GAB1: variants seen among roughly 807,000 people sequenced by gnomAD.
GAB1 encodes the protein GRB2-associated-binding protein 1.
A neutral mutation model predicts 66.5 loss-of-function variants in GAB1; 19 were observed. That is an observed-to-expected ratio of 0.29 (90% CI 0.20 to 0.42). GAB1 has a LOEUF of 0.42. Ranked by LOEUF, GAB1 falls within the 10% of genes least tolerant of loss-of-function variation. The pLI, the probability that GAB1 is intolerant of heterozygous loss-of-function variation, is 1.00. For synonymous variants in GAB1, 294 were observed against 301.4 expected, an observed-to-expected ratio of 0.98 and a Z score of 0.25; for missense variants, 732 against 858.5, an observed-to-expected ratio of 0.85 and a Z score of 1.84.
chr4:143,357,893 AAG>A lies in GAB1; in HGVS notation c.72+20636_72+20637del, dbSNP rs542398216. Among the ~76,000 whole-genome samples the A allele has an allele frequency of 2.1e-3, 312 of 152,090 alleles. 1 individual carries two copies. Among genetic ancestry groups the A allele is most frequent in the African/African-American group, 7.1e-3 (296 of 41,474 alleles). ...ATATATATATATATGAATTATCAGA[AAG>A]AGGGAAGAATAAATTTGAGCATTCC... is the stretch of plus-strand genomic sequence containing the variant. On this transcript the variant is annotated intron_variant, in intron 1 of 9. Transcript: ENST00000262994.
chr4:143,380,662 C>T (rs973635435), intron 1 of GAB1: 1 of 152,174 alleles, frequency 6.6e-6, no homozygotes, highest in African/African-American at 2.4e-5. Flanking sequence ...CTCAAGTGAT[C>T]CTCTTTCCTT....
At chr4:143,355,410 A>T (rs1729402954) in intron 1 of GAB1, among the ~76,000 whole-genome samples, 1 of 143,752 alleles carries the variant, frequency 7.0e-6, no homozygotes, top group Non-Finnish European at 1.5e-5. Context: ...TTTAATTTTT[A>T]TTTTCAATTG....
chr4:143,439,609 G>A, intron 4 of GAB1, 193 bp from the exon 5 acceptor site: 1 of 560,164 alleles, frequency 1.8e-6, no homozygotes, highest in South Asian at 2.3e-5. Flanking sequence ...TAGCATATGA[G>A]TGAGTGTCTG....
In GAB1 at chr4:143,337,160, C is replaced by T; in HGVS notation, c.-29C>T. ...GAGCGCGCCCGCCGCCCCTCAGCTG[C>T]CCGGCCCGGAGCCCGAGACGCGCGC... is the stretch of plus-strand genomic sequence containing the variant. On this transcript the variant is annotated 5_prime_UTR_variant, in exon 1 of 10. Transcript: ENST00000262994. The T allele has an allele frequency of 6.4e-7, 1 of 1,555,986 alleles. No individual in the cohort carries two copies. The highest frequency in any genetic ancestry group is 8.7e-7 in the Non-Finnish European group (1 of 1,148,944).
intron 8 of GAB1, among the ~76,000 whole-genome samples, chr4:143,465,359 A>G (rs150379712): frequency 6.6e-6 from 1 of 152,248 alleles, no homozygotes; most frequent in Non-Finnish European, 1.5e-5. Flanking sequence ...GTCCTACTGT[A>G]CAAATCATCT....
intron 3 of GAB1, among the ~76,000 whole-genome samples, chr4:143,437,188 C>T (rs920176595): frequency 5.9e-5 from 9 of 152,062 alleles, no homozygotes; most frequent in Admixed American, 1.3e-4. Flanking sequence ...TGTTTAAATT[C>T]CTACAGGACT....
At chr4:143,411,351 T>C (rs2149712505) in intron 1 of GAB1, among the ~76,000 whole-genome samples, 2 of 152,320 alleles carry the variant, frequency 1.3e-5, no homozygotes, top group Admixed American at 1.3e-4. Flanking sequence ...CTATTGCATA[T>C]AAGAAATGGC....
At position 143,439,846 on chromosome 4, in the gene GAB1, A is replaced by G; in HGVS notation, c.1240A>G (p.Ser414Gly). 3 of 1,613,674 alleles carry G rather than the reference A, an allele frequency of 1.9e-6. No homozygotes were observed. Among genetic ancestry groups the G allele is most frequent in the Non-Finnish European group, 2.5e-6 (3 of 1,179,640 alleles). Residue 414 changes from serine to glycine, a missense_variant, in exon 5 of 10, where the codon AGT becomes GGT. Physicochemically the swap from Ser to Gly is moderately conservative, Grantham distance 56 (BLOSUM62 0). This residue lies in a region of GAB1 where 427 missense variants were observed against 420.6 expected (regional missense o/e 1.02). Transcript: ENST00000262994. Reference sequence around the variant, plus strand: ...CTATGATATTCCACGAGCATTTCCAAGTGATAGATCTAGTTCACTTGAAGG... The same window carrying G: ...CTATGATATTCCACGAGCATTTCCAGGTGATAGATCTAGTTCACTTGAAGG... ...DCYDIPRAFP[S>G]DRSSSLEGFH...
chr4:143,423,792 G>T (rs1285886138), intron 2 of GAB1, among the ~76,000 whole-genome samples: 1 of 67,764 alleles, frequency 1.5e-5, no homozygotes, highest in Non-Finnish European at 2.9e-5. Context: ...AAAAAAAAGT[G>T]TATATATATA....
intron 6 of GAB1, among the ~76,000 whole-genome samples, chr4:143,449,230 T>G (rs1560778909): frequency 6.6e-6 from 1 of 151,360 alleles, no homozygotes; most frequent in Non-Finnish European, 1.5e-5. Flanking sequence ...AATTTTGGAA[T>G]AGGTGTGGTG....
At chr4:143,427,517 A>G (rs914636414) in intron 2 of GAB1, among the ~76,000 whole-genome samples, 2 of 151,810 alleles carry the variant, frequency 1.3e-5, no homozygotes, top group Admixed American at 1.3e-4. Flanking sequence ...AGGGAGAGGG[A>G]GGCCAAAGCC....
At chr4:143,453,657 T>C (rs967567611) in intron 6 of GAB1, among the ~76,000 whole-genome samples, 42 of 152,178 alleles carry the variant, frequency 2.8e-4, no homozygotes, top group African/African-American at 8.7e-4. Flanking sequence ...ACTTACTGTA[T>C]ACAAAAGCAA....
Position 143,433,618 on chromosome 4 carries a change from C to A in GAB1, c.495C>A (p.Ile165=). 1 of 1,613,904 alleles carries A rather than the reference C, an allele frequency of 6.2e-7. No homozygotes were observed. The highest frequency in any genetic ancestry group is 8.5e-7 in the Non-Finnish European group (1 of 1,179,856). ...CTCTACCTCCTCCATATCAGCTAAT[C>A]AATGTTCCACCACACCTGGAAACTC... ...SATLPPPYQL[I]NVPPHLETLG... is the part of the protein sequence containing the mutation. Residue 165 remains isoleucine (I), a synonymous_variant, in exon 3 of 10, where the codon ATC becomes ATA. Transcript: ENST00000262994.
intron 1 of GAB1, among the ~76,000 whole-genome samples, chr4:143,344,219 G>A (rs891418197): frequency 6.6e-6 from 1 of 152,142 alleles, no homozygotes; most frequent in Non-Finnish European, 1.5e-5. Flanking sequence ...GTCTTATTTC[G>A]GACTTTGGAA....
At chr4:143,456,090 A>G (rs928243944) in intron 6 of GAB1, among the ~76,000 whole-genome samples, 2 of 152,224 alleles carry the variant, frequency 1.3e-5, no homozygotes, top group East Asian at 3.8e-4. Flanking sequence ...TAATCATATT[A>G]TTTTAATACT....
At chr4:143,427,232 A>G (rs1320078119) in intron 2 of GAB1, among the ~76,000 whole-genome samples, 1 of 152,172 alleles carries the variant, frequency 6.6e-6, no homozygotes, top group Non-Finnish European at 1.5e-5. Flanking sequence ...AACTGCCTTT[A>G]TAATAAGGAT....
At chr4:143,418,362 TTATA>T (rs1476726281) in intron 2 of GAB1, among the ~76,000 whole-genome samples, 3 of 152,214 alleles carry the variant, frequency 2.0e-5, no homozygotes, top group Admixed American at 2.0e-4. Flanking sequence ...CATTTATAGT[TTATA>T]TTTGAGTGCA....
chr4:143,436,353 T>A (rs7680485), intron 3 of GAB1, among the ~76,000 whole-genome samples: 9,962 of 152,238 alleles, frequency 0.065, 737 homozygotes, highest in African/African-American at 0.18. Context: ...AGTGGATTAG[T>A]GTGAGGCCTT....
intron 1 of GAB1, among the ~76,000 whole-genome samples, chr4:143,372,988 C>T (rs972943376): frequency 1.3e-5 from 2 of 151,764 alleles, no homozygotes; most frequent in Non-Finnish European, 2.9e-5. Flanking sequence ...CTATTTCTTC[C>T]CTTGATCTGG....
Sources: allele counts gnomAD v4.1 joint callset (sites outside exome capture counted in the v4.1 genomes callset), GRCh38; gene constraint gnomAD v4.1.1; regional missense constraint gnomAD v4.1.1; transcripts MANE v1.5; gene names NCBI Gene and HGNC (gene_info 2026-07-23, HGNC 2026-07-21).